Variants in YTHDC1 observed in about 807,000 individuals in gnomAD.
YTHDC1 encodes YTH N6-methyladenosine RNA binding protein C1.
A neutral mutation model predicts 107.0 loss-of-function variants in YTHDC1; 12 were observed. The observed-to-expected ratio is 0.11, with a 90% CI of 0.07 to 0.18. YTHDC1 has a LOEUF of 0.18. Ranked by LOEUF, YTHDC1 falls within the 10% of genes least tolerant of loss-of-function variation. The pLI is 1.00. For synonymous variants in YTHDC1, 280 were observed against 289.5 expected (o/e 0.97, Z 0.33); for missense variants, 635 against 898.8 (o/e 0.71, Z 3.75).
Position 68,324,241 on chromosome 4 carries a change from T to C in YTHDC1, c.1350-18A>G, listed in dbSNP as rs769917971. 32 of 1,593,364 alleles carry C rather than the reference T, an allele frequency of 2.0e-5. No homozygotes were observed. The highest frequency in any genetic ancestry group is 2.5e-5 in the Non-Finnish European group (29 of 1,162,230). On this transcript the variant is annotated intron_variant, in intron 9 of 16. Transcript: ENST00000344157. Reference sequence around the variant, plus strand: ...ATTCACGCCTAAATACAAAGTAATATCAATTACATTCTTCTGCAGAATCCT... The same window carrying C: ...ATTCACGCCTAAATACAAAGTAATACCAATTACATTCTTCTGCAGAATCCT...
intron 4 of YTHDC1, among the ~76,000 whole-genome samples, chr4:68,335,315 T>G (rs1724033947): frequency 6.6e-6 from 1 of 152,160 alleles, no homozygotes; most frequent in Non-Finnish European, 1.5e-5. Context: ...TGCATATTAA[T>G]ATAGTACCTA....
chr4:68,346,078 CATATATATATATAT>C (rs34633749), intron 1 of YTHDC1, among the ~76,000 whole-genome samples: 3 of 132,686 alleles, frequency 2.3e-5, no homozygotes, highest in East Asian at 2.2e-4. Flanking sequence ...TGTGTGTGTA[CATATATATATATAT>C]ATATATATAC....
At chr4:68,335,889 C>A (rs1173773281) in intron 4 of YTHDC1, among the ~76,000 whole-genome samples, 1 of 151,176 alleles carries the variant, frequency 6.6e-6, no homozygotes, top group Non-Finnish European at 1.5e-5. Context: ...ACCTAGAATT[C>A]TAGTGAACAA....
chr4:68,337,536 G>A (rs777617269), intron 3 of YTHDC1, 36 bp downstream of exon 3: 3 of 1,583,736 alleles, frequency 1.9e-6, no homozygotes, highest in South Asian at 1.2e-5. Flanking sequence ...CAAAAAGAAT[G>A]GCTTTCTGTT....
intron 16 of YTHDC1, 76 bp downstream of exon 16, chr4:68,316,238 T>G (rs752458100): frequency 2.0e-6 from 3 of 1,469,554 alleles, no homozygotes; most frequent in Admixed American, 2.1e-5. Context: ...ATCATCATAC[T>G]CTGGTCTCCC....
intron 1 of YTHDC1, 64 bp downstream of exon 1, chr4:68,349,662 T>G (rs1415290176): frequency 2.0e-5 from 10 of 504,084 alleles, no homozygotes; most frequent in Non-Finnish European, 3.2e-5. Context: ...CGACGACCAC[T>G]GCTCCATCAC....
intron 5 of YTHDC1, 82 bp downstream of exon 5, chr4:68,333,226 C>A: frequency 9.5e-7 from 1 of 1,057,016 alleles, no homozygotes; most frequent in South Asian, 1.5e-5. Context: ...TCAACAAGTT[C>A]ACACTAAACT....
rs978656385 is a variant in YTHDC1 at position 68,312,656 on chromosome 4, T to C, written c.*1443A>G. 4 of 152,252 alleles carry C rather than the reference T, an allele frequency of 2.6e-5. No individual in the cohort carries two copies. The highest frequency in any genetic ancestry group is 9.6e-5 in the African/African-American group (4 of 41,464). The allele number at this position is 152,252 out of a possible 1,614,324, so 9.4% of individuals were successfully genotyped here. On this transcript the variant is annotated 3_prime_UTR_variant, in exon 17 of 17. Coordinates refer to ENST00000344157, the MANE Select transcript of YTHDC1 (RefSeq NM_001031732.4). ...ATATGAATGCAGTATAACTATAGTTTATTATATCCTTTAAGAGTAAAGTGC... is the reference window on the plus strand; with the variant it reads ...ATATGAATGCAGTATAACTATAGTTCATTATATCCTTTAAGAGTAAAGTGC...
chr4:68,339,191 C>T (rs1724546663), intron 1 of YTHDC1, among the ~76,000 whole-genome samples: 2 of 152,182 alleles, frequency 1.3e-5, no homozygotes, highest in Non-Finnish European at 2.9e-5. Flanking sequence ...GACAAATCAA[C>T]ATCATGGACC....
intron 1 of YTHDC1, among the ~76,000 whole-genome samples, chr4:68,341,353 C>G (rs1724781356): frequency 6.6e-6 from 1 of 152,094 alleles, no homozygotes; most frequent in Admixed American, 6.5e-5. Context: ...CCAGAAAGCT[C>G]TATATCTTTA....
intron 1 of YTHDC1, among the ~76,000 whole-genome samples, chr4:68,346,192 G>A (rs1725422577): frequency 6.6e-6 from 1 of 151,762 alleles, no homozygotes; most frequent in African/African-American, 2.4e-5. Context: ...AAGGCAGGCA[G>A]ACTGCTTAAG....
chr4:68,337,193 T>C lies in YTHDC1; in HGVS notation c.717A>G (p.Glu239=), dbSNP rs879860250. Residue 239 remains glutamate (E), a synonymous_variant, in exon 4 of 17, where the codon GAA becomes GAG. Coordinates refer to ENST00000344157, the MANE Select transcript of YTHDC1 (RefSeq NM_001031732.4). ...GEEEEEEEEE[E]EEEEEEEEEE... ...CTTCTTCCTCCTCCTCCTCCTCCTCTTCCTCCTCCTCCTCTTCCTCCTCCT... is the reference window on the plus strand; with the variant it reads ...CTTCTTCCTCCTCCTCCTCCTCCTCCTCCTCCTCCTCCTCTTCCTCCTCCT... 3.3e-4 allele frequency: 519 copies of C among 1,574,970 alleles called. No homozygotes were observed. The highest frequency in any genetic ancestry group is 5.5e-4 in the African/African-American group (41 of 73,960).
chr4:68,316,031 A>C (rs911173284), intron 16 of YTHDC1: 3 of 247,498 alleles, frequency 1.2e-5, no homozygotes, highest in African/African-American at 6.7e-5. Flanking sequence ...TAAGATCTCA[A>C]TATGGAAAGA....
Position 68,318,851 on chromosome 4 carries a change from C to T in YTHDC1, c.1696G>A (p.Asp566Asn). 1 of 1,614,034 alleles carries T rather than the reference C, an allele frequency of 6.2e-7. No individual in the cohort carries two copies. The highest frequency in any genetic ancestry group is 8.5e-7 in the Non-Finnish European group (1 of 1,179,974). Residue 566 changes from aspartate to asparagine, a missense_variant, in exon 13 of 17, where the codon GAT becomes AAT. Asp to Asn is a conservative substitution (Grantham distance 23, BLOSUM62 1). This residue lies in a region of YTHDC1 where 256 missense variants were observed against 372.9 expected (regional missense o/e 0.69). Coordinates refer to ENST00000344157, the MANE Select transcript of YTHDC1 (RefSeq NM_001031732.4). ...CTGTCCACTTCCTGGTATCGTGGAT[C>T]CTTTAAATACCCTGTTCAAACATCA... ...EFHQRPGYLK[D>N]PRYQEVDRRF... is the part of the protein sequence containing the mutation.
intron 9 of YTHDC1, among the ~76,000 whole-genome samples, chr4:68,328,539 A>C (rs1292125412): frequency 6.6e-6 from 1 of 152,214 alleles, no homozygotes; most frequent in Non-Finnish European, 1.5e-5. Flanking sequence ...CATTTGTTAT[A>C]CCTTTCCATG....
intron 1 of YTHDC1, among the ~76,000 whole-genome samples, chr4:68,343,595 A>C (rs1361943625): frequency 6.9e-6 from 1 of 145,314 alleles, no homozygotes; most frequent in African/African-American, 2.6e-5. Context: ...GAGTGCAGTG[A>C]CATGATCTCA....
At chr4:68,348,955 A>C (rs1373750480) in intron 1 of YTHDC1, among the ~76,000 whole-genome samples, 2 of 152,212 alleles carry the variant, frequency 1.3e-5, no homozygotes, top group Non-Finnish European at 2.9e-5. Flanking sequence ...TTGGGAACTT[A>C]GTATTACTAT....
intron 9 of YTHDC1, among the ~76,000 whole-genome samples, chr4:68,327,583 C>G (rs115730469): frequency 1.3e-5 from 2 of 152,092 alleles, no homozygotes; most frequent in East Asian, 3.9e-4. Flanking sequence ...AGGGATCACA[C>G]CTAAAAAAGC....
chr4:68,330,963 A>G (rs1185188338), intron 7 of YTHDC1, among the ~76,000 whole-genome samples: 3 of 152,274 alleles, frequency 2.0e-5, no homozygotes, highest in Non-Finnish European at 4.4e-5. Flanking sequence ...TACAAATGAC[A>G]TCTCATTCAA....
Sources: gnomAD v4.1 joint callset for allele counts (sites outside exome capture counted in the v4.1 genomes callset) on GRCh38, gnomAD v4.1.1 for gene constraint, gnomAD v4.1.1 regional missense constraint, MANE v1.5 for transcripts, NCBI Gene and HGNC (gene_info 2026-07-23, HGNC 2026-07-21) for gene names.